DGKZ: variants seen among roughly 807,000 people sequenced by gnomAD.
DGKZ encodes diacylglycerol kinase zeta.
A neutral mutation model predicts 142.5 loss-of-function variants in DGKZ; 45 were observed. That is an observed-to-expected ratio of 0.32 (90% CI 0.25 to 0.40). The LOEUF (loss-of-function observed/expected upper bound fraction) is 0.40. Among genes scored for constraint, DGKZ ranks in the 10% least tolerant of loss-of-function variants. DGKZ has a pLI of 1.00. For missense variants in DGKZ, 755 were observed against 1,306.5 expected, an observed-to-expected ratio of 0.58 and a Z score of 6.51; for synonymous variants, 442 against 527.0, an observed-to-expected ratio of 0.84 and a Z score of 2.21.
At chr11:46,364,470 G>A in intron 1 of DGKZ, 1 of 1,266,660 alleles carries the variant, frequency 7.9e-7, no homozygotes, top group Non-Finnish European at 1.0e-6. Flanking sequence ...GGCCCAGGTG[G>A]TCTGCTTTGA....
At chr11:46,350,837 T>G (rs1590414948) in intron 1 of DGKZ, among the ~76,000 whole-genome samples, 2 of 149,638 alleles carry the variant, frequency 1.3e-5, no homozygotes, top group African/African-American at 2.5e-5. Flanking sequence ...AATCGGGGGG[T>G]GGCAGCTTGC....
intron 24 of DGKZ, chr11:46,376,832 A>G: frequency 1.6e-6 from 1 of 635,162 alleles, no homozygotes; most frequent in Non-Finnish European, 2.7e-6. Context: ...AGAGCCATCC[A>G]GGGAGACACA....
At chr11:46,376,476 G>A (rs772330890) in intron 23 of DGKZ, 48 bp from the exon 24 acceptor site, 1 of 1,613,868 alleles carries the variant, frequency 6.2e-7, no homozygotes, top group African/African-American at 1.3e-5. Flanking sequence ...AGAGGACCTG[G>A]GCCTGGACAT....
At chr11:46,350,096 C>T (rs781163406) in intron 1 of DGKZ, among the ~76,000 whole-genome samples, 1 of 152,134 alleles carries the variant, frequency 6.6e-6, no homozygotes, top group Admixed American at 6.5e-5. Flanking sequence ...TAAGGAGTGT[C>T]CTTTGTTTGG....
At chr11:46,335,576 C>T (rs1269138855) in intron 1 of DGKZ, among the ~76,000 whole-genome samples, 1 of 152,198 alleles carries the variant, frequency 6.6e-6, no homozygotes, top group Non-Finnish European at 1.5e-5. Flanking sequence ...GAGGTCCCCC[C>T]AACCCCTGCC....
intron 19 of DGKZ, 45 bp from the exon 20 acceptor site, chr11:46,375,386 GC>G: frequency 1.3e-6 from 2 of 1,525,054 alleles, no homozygotes; most frequent in African/African-American, 1.4e-5. Context: ...GGACCCCCCT[GC>G]CCCCAGCCCT....
Position 46,372,375 on chromosome 11 carries a change from C to G in DGKZ, c.928-53C>G. The G allele has an allele frequency of 6.3e-7, 1 of 1,589,562 alleles. No homozygotes were observed. On this transcript the variant is annotated intron_variant, in intron 10 of 30. Transcript: ENST00000527911. The surrounding 1 kb of genome is among the most constrained non-coding windows in gnomAD (Gnocchi z 5.9). ...GTCACACCCCTCTCCCTCTGCTGCTCCCACTTCGTCCCACCACTGCCTGAC... is the reference window on the plus strand; with the variant it reads ...GTCACACCCCTCTCCCTCTGCTGCTGCCACTTCGTCCCACCACTGCCTGAC...
chr11:46,354,498 TG>T (rs1941774052), intron 1 of DGKZ, among the ~76,000 whole-genome samples: 1 of 152,234 alleles, frequency 6.6e-6, no homozygotes, highest in Non-Finnish European at 1.5e-5. Context: ...GCCCAGCCTC[TG>T]GAGTCTTTTT....
Position 46,372,082 on chromosome 11 carries a change from G to T in DGKZ, c.839G>T (p.Arg280Leu). ...TCTCACCTTGTCTCCCAGGAGGGCC[G>T]CTGGAGACCCTTCATCATCAGGCCC... The change falls in exon 10 of 31, where the codon CGC (arginine) becomes CTC (leucine). Residue 280 changes from arginine (R) to leucine (L), a missense_variant. Around this residue, in one of 8 missense-constraint regions of DGKZ, gnomAD observed 142 missense variants for 244.4 expected, o/e 0.58. Coordinates refer to ENST00000527911, the Ensembl canonical transcript of DGKZ. This position sits in a 1 kb window ranked among gnomAD's most constrained non-coding sequence, Gnocchi z 5.9. 1.2e-6 allele frequency: 2 copies of T among 1,609,300 alleles called. No homozygotes were observed. Among genetic ancestry groups the T allele is most frequent in the Non-Finnish European group, 8.5e-7 (1 of 1,178,100 alleles).
exon 28 of DGKZ, chr11:46,379,049 C>T (rs1165234444): frequency 3.1e-6 from 5 of 1,595,884 alleles, no homozygotes; most frequent in African/African-American, 1.3e-5. Context: ...CAGAGTCGCA[C>T]GCTCCTGCAC....
At chr11:46,356,326 C>T (rs1942023659) in intron 1 of DGKZ, among the ~76,000 whole-genome samples, 1 of 152,238 alleles carries the variant, frequency 6.6e-6, no homozygotes, top group Middle Eastern at 3.4e-3. Flanking sequence ...GGGAGCTGGC[C>T]CACTCCTGGG....
chr11:46,352,867 C>T (rs1476911048), intron 1 of DGKZ, among the ~76,000 whole-genome samples: 1 of 152,216 alleles, frequency 6.6e-6, no homozygotes, highest in Non-Finnish European at 1.5e-5. Context: ...GGTTTCAGCA[C>T]AGGACTTGGC....
intron 19 of DGKZ, 62 bp downstream of exon 19, chr11:46,375,107 A>C (rs1944390877): frequency 7.0e-7 from 1 of 1,435,998 alleles, no homozygotes; most frequent in African/African-American, 1.4e-5. Context: ...GGGGTCACCC[A>C]TACTCACCTC....
At position 46,337,743 on chromosome 11, in the gene DGKZ, C is replaced by T. The variant is rs1053782055; in HGVS notation, c.212+4256C>T. Among the ~76,000 whole-genome samples, 4 of 150,616 alleles carry T rather than the reference C, an allele frequency of 2.7e-5. No individual in the cohort carries two copies. The East Asian group carries it at 5.8e-4, about 22-fold the overall frequency. ...CCACTGGTTTTGCCTGTGAAGAAGC[C>T]GAAGGAAAAAGAGAAAAGGGCAGGG... On this transcript the variant is annotated intron_variant, in intron 1 of 30. Transcript: ENST00000343674.
chr11:46,371,417 C>T (rs746024158), intron 7 of DGKZ, 33 bp downstream of exon 7: 6 of 1,611,558 alleles, frequency 3.7e-6, no homozygotes, highest in Non-Finnish European at 5.1e-6. Context: ...GGGCCAGGCC[C>T]TGCACTGCTG....
chr11:46,376,228 G>A (rs542055702), intron 22 of DGKZ, 83 bp downstream of exon 22: 64 of 1,602,418 alleles, frequency 4.0e-5, no homozygotes, highest in East Asian at 1.6e-4. Context: ...CAGCCAGCTC[G>A]CCCTGCGGAG....
intron 1 of DGKZ, among the ~76,000 whole-genome samples, chr11:46,336,747 G>T (rs1940035224): frequency 6.6e-6 from 1 of 152,094 alleles, no homozygotes; most frequent in African/African-American, 2.4e-5. Context: ...TAGGGATGGG[G>T]TTTCGCCGTG....
intron 1 of DGKZ, among the ~76,000 whole-genome samples, chr11:46,335,609 G>A (rs11038867): frequency 0.022 from 3,347 of 152,260 alleles, 128 homozygotes; most frequent in African/African-American, 0.074. Context: ...GTGTGAGGGC[G>A]GCAGAAAACA....
chr11:46,370,105 T>G, intron 6 of DGKZ, 96 bp downstream of exon 6: 2 of 1,481,314 alleles, frequency 1.4e-6, no homozygotes, highest in Non-Finnish European at 1.9e-6. Flanking sequence ...GACCACACCC[T>G]GGTGTGCAGA....
Sources: gnomAD v4.1 joint callset for allele counts (sites outside exome capture counted in the v4.1 genomes callset) on GRCh38, gnomAD v4.1.1 for gene constraint, gnomAD v4.1.1 regional missense constraint, Gnocchi (gnomAD v3.1) non-coding constraint, MANE v1.5 for transcripts, NCBI Gene and HGNC (gene_info 2026-07-23, HGNC 2026-07-21) for gene names.